HSPA4L: variants seen among roughly 807,000 people sequenced by gnomAD.
HSPA4L encodes the protein heat shock protein family A (Hsp70) member 4 like.
HSPA4L carries 48 observed loss-of-function variants against 100.3 expected under a neutral mutation model. The observed-to-expected ratio is 0.48, with a 90% CI of 0.38 to 0.61. HSPA4L has a LOEUF of 0.61. Ranked by LOEUF, HSPA4L falls within the 20% of genes least tolerant of loss-of-function variation. HSPA4L has a pLI of 0.00. For missense variants in HSPA4L, 886 were observed against 988.6 expected, an observed-to-expected ratio of 0.90 and a Z score of 1.39; for synonymous variants, 319 against 328.2, an observed-to-expected ratio of 0.97 and a Z score of 0.30.
intron 17 of HSPA4L, among the ~76,000 whole-genome samples, chr4:127,828,790 G>A (rs914010253): frequency 6.6e-6 from 1 of 152,040 alleles, no homozygotes; most frequent in African/African-American, 2.4e-5. Flanking sequence ...AAAACACCAA[G>A]AATATTTTAA....
chr4:127,785,957 G>A (rs1164141057), intron 1 of HSPA4L, among the ~76,000 whole-genome samples: 1 of 152,076 alleles, frequency 6.6e-6, no homozygotes, highest in Admixed American at 6.6e-5. Flanking sequence ...TTAAAGGCCT[G>A]GTACATGTCT....
intron 2 of HSPA4L, among the ~76,000 whole-genome samples, chr4:127,795,033 A>AAAT (rs1732979559): frequency 1.3e-5 from 2 of 152,148 alleles, no homozygotes; most frequent in Non-Finnish European, 2.9e-5. Context: ...CATGGAAGGG[A>AAAT]TTTTAATTTA....
chr4:127,820,358 TTC>T, intron 13 of HSPA4L, 68 bp from the exon 14 acceptor site: 3 of 1,307,252 alleles, frequency 2.3e-6, no homozygotes, highest in Admixed American at 2.8e-5. Context: ...TGATTTTACT[TTC>T]TGTTTTACCT....
At chr4:127,829,437 T>C (rs1177902247) in intron 17 of HSPA4L, among the ~76,000 whole-genome samples, 1 of 152,010 alleles carries the variant, frequency 6.6e-6, no homozygotes, top group Non-Finnish European at 1.5e-5. Flanking sequence ...AATAAGACAT[T>C]ATTAGAATAA....
rs548554138 is a variant in HSPA4L at position 127,817,864 on chromosome 4, A to T, written c.1579-461A>T. ...GTTCTCTATTTTATTTATTTTTATT[A>T]TACTTTAAGTTCTGGGATATATGTG... On this transcript the variant is annotated intron_variant, in intron 12 of 18. Coordinates refer to ENST00000296464, the MANE Select transcript of HSPA4L (RefSeq NM_014278.4). Among the ~76,000 whole-genome samples the T allele has an allele frequency of 2.6e-5, 4 of 152,124 alleles. No homozygotes were observed. The East Asian group carries it at 7.7e-4, about 29-fold the overall frequency.
intron 12 of HSPA4L, 51 bp downstream of exon 12, chr4:127,811,687 A>G (rs1257954899): frequency 2.2e-6 from 3 of 1,334,056 alleles, no homozygotes; most frequent in South Asian, 2.5e-5. Context: ...TGTATACAGT[A>G]TATCTTAATC....
intron 10 of HSPA4L, among the ~76,000 whole-genome samples, chr4:127,807,138 G>T (rs1733381581): frequency 6.6e-6 from 1 of 151,926 alleles, no homozygotes; most frequent in South Asian, 2.1e-4. Flanking sequence ...TGAAAACTAG[G>T]ATAGAGTAAG....
chr4:127,785,328 C>G (rs908610098), intron 1 of HSPA4L, among the ~76,000 whole-genome samples: 1 of 152,092 alleles, frequency 6.6e-6, no homozygotes, highest in Non-Finnish European at 1.5e-5. Flanking sequence ...ATAAAAAATA[C>G]TGGCACATTA....
At chr4:127,809,233 A>C (rs1245296591) in intron 11 of HSPA4L, 1 of 1,387,318 alleles carries the variant, frequency 7.2e-7, no homozygotes, top group Non-Finnish European at 1.0e-6. Flanking sequence ...GAACTGGACA[A>C]AGAGAAAAGA....
chr4:127,827,526 C>G (rs1422868082), intron 17 of HSPA4L, 102 bp downstream of exon 17: 1 of 1,290,344 alleles, frequency 7.7e-7, no homozygotes, highest in African/African-American at 1.5e-5. Context: ...GCAGTTGTAT[C>G]TATCAAATTC....
rs1215605546 is a variant in HSPA4L at position 127,836,914 on chromosome 4, A to G, written c.*4040A>G. ...ATTCTTAAGTTATTGGTAAAATATAACTTTCTCAGTTTTTAAAAGTTTACA... is the reference window on the plus strand; with the variant it reads ...ATTCTTAAGTTATTGGTAAAATATAGCTTTCTCAGTTTTTAAAAGTTTACA... On this transcript the variant is annotated 3_prime_UTR_variant, in exon 19 of 19. Transcript: ENST00000296464. The G allele has an allele frequency of 6.6e-6, 1 of 151,998 alleles. No homozygotes were observed. The highest frequency in any genetic ancestry group is 1.5e-5 in the Non-Finnish European group (1 of 67,976). 9.4% of individuals were successfully genotyped at this position (151,998 alleles called of 1,614,324 possible). A position where few individuals can be genotyped will look rare whatever the true frequency, so the allele number is the denominator to read the frequency against.
intron 11 of HSPA4L, 117 bp downstream of exon 11, chr4:127,808,246 G>A (rs1341288664): frequency 2.5e-6 from 2 of 801,786 alleles, no homozygotes; most frequent in Admixed American, 6.1e-5. Flanking sequence ...TTTAAAGAAA[G>A]ATATTTATAC....
intron 3 of HSPA4L, among the ~76,000 whole-genome samples, chr4:127,798,223 T>A (rs1733078221): frequency 6.6e-6 from 1 of 152,060 alleles, no homozygotes; most frequent in Admixed American, 6.6e-5. Flanking sequence ...CCAGGGAGAG[T>A]TCTGACTTTC....
chr4:127,783,060 G>C (rs559280895), intron 1 of HSPA4L, among the ~76,000 whole-genome samples: 3 of 152,116 alleles, frequency 2.0e-5, no homozygotes, highest in Admixed American at 1.3e-4. Context: ...TCGGCCCCGC[G>C]CCAGCTGCCC....
intron 1 of HSPA4L, among the ~76,000 whole-genome samples, chr4:127,789,055 G>A (rs946378106): frequency 2.0e-5 from 3 of 152,108 alleles, no homozygotes; most frequent in East Asian, 3.9e-4. Flanking sequence ...TTAGTACTGA[G>A]CTTTTAGGCA....
chr4:127,817,159 G>A (rs1017920047), intron 12 of HSPA4L, among the ~76,000 whole-genome samples: 1 of 151,964 alleles, frequency 6.6e-6, no homozygotes, highest in African/African-American at 2.4e-5. Flanking sequence ...TCCGCCTCCC[G>A]GGTTCAAGCA....
rs749524615 is a variant in HSPA4L, at chr4:127,818,395, T to A, written c.1649T>A (p.Ile550Asn). 16 of 1,607,958 alleles carry A rather than the reference T, an allele frequency of 1.0e-5. No homozygotes were observed. The highest frequency in any genetic ancestry group is 1.3e-5 in the Non-Finnish European group (15 of 1,176,420). The change falls in exon 13 of 19, where the codon ATT (isoleucine) becomes AAT (asparagine). Residue 550 changes from isoleucine (I) to asparagine (N), a missense_variant. Physicochemically the swap from Ile to Asn is moderately radical, Grantham distance 149. Transcript: ENST00000296464. ...GCTGAACACACTCCAGAAGAGGAAATTGATCATACAGGAGCCAAAACAAAG... is the reference window on the plus strand; with the variant it reads ...GCTGAACACACTCCAGAAGAGGAAAATGATCATACAGGAGCCAAAACAAAG... ...CHAEHTPEEE[I>N]DHTGAKTKSA...
At chr4:127,830,357 A>G (rs890248384) in intron 17 of HSPA4L, among the ~76,000 whole-genome samples, 3 of 152,096 alleles carry the variant, frequency 2.0e-5, no homozygotes, top group East Asian at 1.9e-4. Context: ...TTTCCTTGCA[A>G]CTTCTTCCTT....
intron 18 of HSPA4L, 122 bp from the exon 19 acceptor site, chr4:127,832,561 G>C: frequency 1.2e-6 from 1 of 841,814 alleles, no homozygotes; most frequent in Non-Finnish European, 1.8e-6. Context: ...TGGCTATCTA[G>C]CTGAGCAAAT....
Sources: allele counts gnomAD v4.1 joint callset (sites outside exome capture counted in the v4.1 genomes callset), GRCh38; gene constraint gnomAD v4.1.1; transcripts MANE v1.5; gene names NCBI Gene and HGNC (gene_info 2026-07-23, HGNC 2026-07-21).